The following KCNK2 variants were observed in gnomAD, a reference collection of about 807,000 sequenced individuals.
KCNK2 encodes potassium channel subfamily K member 2.
Under a neutral mutation model 40.5 loss-of-function variants are expected in KCNK2, and 21 were observed. The observed-to-expected ratio is 0.52, with a 90% confidence interval of 0.37 to 0.75. The LOEUF (loss-of-function observed/expected upper bound fraction) is 0.75, where lower values mean the gene tolerates loss of function less well. Among genes scored for constraint, KCNK2 ranks in the 30% least tolerant of loss-of-function variants. The pLI is 0.00. For missense variants in KCNK2, 399 were observed against 531.6 expected (o/e 0.75, Z 2.45); for synonymous variants, 191 against 202.2 (o/e 0.94, Z 0.47).
At position 215,056,264 on chromosome 1, in the gene KCNK2, C is replaced by T. The variant is rs539795320; in HGVS notation, c.35-30104C>T. On this transcript the variant is annotated intron_variant, in intron 1 of 6. Transcript: ENST00000391895. ...GGGAGGTTACAGTGAGCCGAGATCG[C>T]GCCATTGCACTCCAGCCTGGGCAAC... 6.8e-5 allele frequency among the ~76,000 whole-genome samples: 10 copies of T among 148,070 alleles called. No individual in the cohort carries two copies. The East Asian group carries it at 1.4e-3, about 21-fold the overall frequency.
In KCNK2 at chr1:215,083,204, G is replaced by GGTCCCCCC; in HGVS notation, c.-182_-181insGTCCCCCC. 3.7e-6 allele frequency: 1 copy of GGTCCCCCC among 273,550 alleles called. No individual in the cohort carries two copies. 16.9% of individuals were successfully genotyped at this position (273,550 alleles called of 1,614,324 possible). Reference sequence around the variant, plus strand: ...CGTTTCTTCTCACGCTCCCCCCCCCGCCCCCTCCCGCGTCCAGCCCCGCTC... The same window carrying GGTCCCCCC: ...CGTTTCTTCTCACGCTCCCCCCCCCGGTCCCCCCCCCCCTCCCGCGTCCAGCCCCGCTC... On this transcript the variant is annotated 5_prime_UTR_variant, in exon 1 of 7. Coordinates refer to ENST00000444842, the MANE Select transcript of KCNK2 (RefSeq NM_001017425.3).
At chr1:215,031,523 A>G (rs1657190067) in intron 1 of KCNK2, among the ~76,000 whole-genome samples, 1 of 152,188 alleles carries the variant, frequency 6.6e-6, no homozygotes, top group Admixed American at 6.5e-5. Context: ...GTGAAATCCA[A>G]AATGTTCTAA....
intron 2 of KCNK2, among the ~76,000 whole-genome samples, chr1:215,106,194 A>G (rs1025169473): frequency 4.6e-5 from 7 of 152,160 alleles, no homozygotes; most frequent in African/African-American, 1.7e-4. Flanking sequence ...GAACTAATTT[A>G]CATTTCCACC....
At chr1:215,070,184 G>A (rs1193552635) in intron 1 of KCNK2, among the ~76,000 whole-genome samples, 1 of 151,920 alleles carries the variant, frequency 6.6e-6, no homozygotes, top group African/African-American at 2.4e-5. Flanking sequence ...GCCGAGGTGG[G>A]CGGATCACAA....
chr1:215,019,020 A>G (rs1656694784), intron 1 of KCNK2, among the ~76,000 whole-genome samples: 1 of 151,956 alleles, frequency 6.6e-6, no homozygotes, highest in African/African-American at 2.4e-5. Flanking sequence ...CATCTAAGAA[A>G]GACCCTTTGC....
upstream of KCNK2, among the ~76,000 whole-genome samples, chr1:215,078,668 G>A (rs1659040133): frequency 6.6e-6 from 1 of 152,216 alleles, no homozygotes. Flanking sequence ...GTCAAGGTGA[G>A]ATATGGGTGG....
At chr1:215,118,881 T>C (rs1386732632) in intron 2 of KCNK2, among the ~76,000 whole-genome samples, 1 of 152,198 alleles carries the variant, frequency 6.6e-6, no homozygotes, top group East Asian at 1.9e-4. Flanking sequence ...AATGTGATTC[T>C]ACTTTTAGGA....
chr1:215,146,508 T>TA (rs1284823355), intron 3 of KCNK2, among the ~76,000 whole-genome samples: 2 of 152,162 alleles, frequency 1.3e-5, no homozygotes, highest in African/African-American at 4.8e-5. Context: ...TTTGATCACT[T>TA]AAAGTTGACA....
intron 1 of KCNK2, among the ~76,000 whole-genome samples, chr1:215,014,759 A>G (rs1227930607): frequency 6.6e-6 from 1 of 152,052 alleles, no homozygotes; most frequent in Non-Finnish European, 1.5e-5. Flanking sequence ...TTTTCCATGA[A>G]CTGATAAGGG....
chr1:215,226,987 A>G (rs1666410794), intron 6 of KCNK2, among the ~76,000 whole-genome samples: 2 of 152,198 alleles, frequency 1.3e-5, no homozygotes, highest in Admixed American at 6.5e-5. Context: ...GAGAGGATCA[A>G]GATTATCCCA....
At position 215,086,571 on chromosome 1, in the gene KCNK2, G is replaced by C; in HGVS notation, c.250G>C (p.Glu84Gln). The C allele has an allele frequency of 6.2e-7, 1 of 1,614,152 alleles. No homozygotes were observed. Among genetic ancestry groups the C allele is most frequent in the Non-Finnish European group, 8.5e-7 (1 of 1,180,014 alleles). Residue 84 changes from glutamate (E) to glutamine (Q), a missense_variant, in exon 2 of 7, where the codon GAG becomes CAG. Physicochemically the swap from Glu to Gln is conservative, Grantham distance 29. Transcript: ENST00000444842. Reference sequence around the variant, plus strand: ...CGGAGCCACCGTGTTCAAAGCATTGGAGCAGCCTCATGAGATTTCACAGAG... The same window carrying C: ...CGGAGCCACCGTGTTCAAAGCATTGCAGCAGCCTCATGAGATTTCACAGAG... ...IIGATVFKALEQPHEISQRTT... is the reference protein window; with the variant it reads ...IIGATVFKALQQPHEISQRTT...
intron 5 of KCNK2, among the ~76,000 whole-genome samples, chr1:215,189,058 T>C (rs1366546160): frequency 1.3e-5 from 2 of 152,194 alleles, no homozygotes; most frequent in East Asian, 3.9e-4. Flanking sequence ...TGCTCTGTTT[T>C]ATAATACAGG....
At chr1:215,123,806 C>G (rs182410457) in intron 2 of KCNK2, among the ~76,000 whole-genome samples, 1 of 152,266 alleles carries the variant, frequency 6.6e-6, no homozygotes, top group Admixed American at 6.5e-5. Context: ...TAATCTGTCT[C>G]TCTTCTACTG....
intron 1 of KCNK2, among the ~76,000 whole-genome samples, chr1:215,063,506 C>T (rs1658428442): frequency 6.6e-6 from 1 of 152,196 alleles, no homozygotes; most frequent in African/African-American, 2.4e-5. Flanking sequence ...CTCAACATAT[C>T]ATGATTACCT....
chr1:215,101,462 A>G (rs894610113), intron 2 of KCNK2, among the ~76,000 whole-genome samples: 2 of 151,932 alleles, frequency 1.3e-5, no homozygotes, highest in Non-Finnish European at 2.9e-5. Context: ...AGGCTAGAAC[A>G]TACTTGATGT....
chr1:215,064,481 A>G (rs1658470167), intron 1 of KCNK2, among the ~76,000 whole-genome samples: 1 of 152,294 alleles, frequency 6.6e-6, no homozygotes, highest in Non-Finnish European at 1.5e-5. Context: ...CTCGGTGATG[A>G]GACTGCAGTA....
At chr1:215,074,035 C>T (rs994961774) in intron 1 of KCNK2, among the ~76,000 whole-genome samples, 11 of 152,098 alleles carry the variant, frequency 7.2e-5, no homozygotes, top group Non-Finnish European at 1.0e-4. Flanking sequence ...GACTGGAGAT[C>T]GGTGGAGTGG....
intron 1 of KCNK2, among the ~76,000 whole-genome samples, chr1:215,085,770 C>A (rs552049196): frequency 6.6e-6 from 1 of 152,120 alleles, no homozygotes; most frequent in African/African-American, 2.4e-5. Context: ...AGACAAGATT[C>A]GACCATCGAG....
intron 5 of KCNK2, among the ~76,000 whole-genome samples, chr1:215,181,745 A>G (rs2102649416): frequency 6.6e-6 from 1 of 152,306 alleles, no homozygotes; most frequent in African/African-American, 2.4e-5. Context: ...AGCTGTGGCC[A>G]GTGAGGCTGG....
Sources: allele counts gnomAD v4.1 joint callset (sites outside exome capture counted in the v4.1 genomes callset), GRCh38; gene constraint gnomAD v4.1.1; transcripts MANE v1.5; gene names NCBI Gene and HGNC (gene_info 2026-07-23, HGNC 2026-07-21).